Variants in DYNC2H1 observed in about 807,000 individuals in gnomAD.
DYNC2H1 encodes dynein cytoplasmic 2 heavy chain 1.
In DYNC2H1, 410 loss-of-function variants were observed where a neutral mutation model predicts 570.0. That is an observed-to-expected ratio of 0.72 (90% CI 0.66 to 0.78). The LOEUF (loss-of-function observed/expected upper bound fraction) is 0.78, where lower values mean the gene tolerates loss of function less well. Among genes scored for constraint, DYNC2H1 ranks in the 30% least tolerant of loss-of-function variants. The pLI is 0.00. For missense variants in DYNC2H1, 4,865 were observed against 5,046.4 expected, an observed-to-expected ratio of 0.96 and a Z score of 1.09; for synonymous variants, 1,688 against 1,677.6, an observed-to-expected ratio of 1.01 and a Z score of -0.15.
At chr11:103,208,990 T>C (rs1385028697) in intron 52 of DYNC2H1, among the ~76,000 whole-genome samples, 2 of 152,110 alleles carry the variant, frequency 1.3e-5, no homozygotes, top group African/African-American at 4.8e-5. Context: ...AATATAAGTT[T>C]AAAATATTCT....
In DYNC2H1 at chr11:103,382,331, A is replaced by G. The variant is rs186170289; in HGVS notation, c.12157-17332A>G. 1.3e-4 allele frequency among the ~76,000 whole-genome samples: 20 copies of G among 152,330 alleles called. No individual in the cohort carries two copies. The East Asian group carries it at 3.1e-3, about 23-fold the overall frequency. On this transcript the variant is annotated intron_variant, in intron 83 of 88. Transcript: ENST00000375735. Reference sequence around the variant, plus strand: ...CTGAACAAGAGTTGAACCAGTAACTATATTTTTGTCCAGAATGTTCCCTAG... The same window carrying G: ...CTGAACAAGAGTTGAACCAGTAACTGTATTTTTGTCCAGAATGTTCCCTAG...
At chr11:103,210,973 C>T (rs1863133489) in intron 53 of DYNC2H1, among the ~76,000 whole-genome samples, 1 of 151,836 alleles carries the variant, frequency 6.6e-6, no homozygotes, top group African/African-American at 2.4e-5. Context: ...TTTATATATC[C>T]CTTTCTTCAG....
intron 45 of DYNC2H1, among the ~76,000 whole-genome samples, chr11:103,190,980 A>G (rs1254062682): frequency 1.6e-5 from 2 of 125,590 alleles, no homozygotes; most frequent in Non-Finnish European, 3.3e-5. Context: ...TTTTTTGGCC[A>G]TCTGTTGAAG....
chr11:103,248,135 C>G (rs1431362349), intron 65 of DYNC2H1, among the ~76,000 whole-genome samples: 1 of 151,966 alleles, frequency 6.6e-6, no homozygotes, highest in Non-Finnish European at 1.5e-5. Flanking sequence ...AGCAGTTGGT[C>G]TATAATGGGC....
intron 79 of DYNC2H1, 77 bp downstream of exon 79, chr11:103,312,110 G>GCCACCATGCC: frequency 2.7e-6 from 4 of 1,455,878 alleles, no homozygotes; most frequent in Non-Finnish European, 3.7e-6. Context: ...GCCAGGCATG[G>GCCACCATGCC]TGGCTCATGC....
Position 103,264,384 on chromosome 11 carries a change from G to A in DYNC2H1, c.10695+4407G>A, listed in dbSNP as rs879779122. On this transcript the variant is annotated intron_variant, in intron 70 of 88. Coordinates refer to ENST00000375735, the MANE Select transcript of DYNC2H1 (RefSeq NM_001377.3). This position sits in a 1 kb window ranked among gnomAD's most constrained non-coding sequence, Gnocchi z 4.8. ...ACCAGGATCATCATGATACCACAACGTGGCAGAAACACAACAAAAAAAGAA... is the reference window on the plus strand; with the variant it reads ...ACCAGGATCATCATGATACCACAACATGGCAGAAACACAACAAAAAAAGAA... Among the ~76,000 whole-genome samples the A allele has an allele frequency of 2.6e-4, 39 of 152,012 alleles. 1 individual carries two copies. Among genetic ancestry groups the A allele is most frequent in the Non-Finnish European group, 4.4e-4 (30 of 67,982 alleles).
intron 14 of DYNC2H1, 148 bp from the exon 15 acceptor site, chr11:103,134,173 C>G: frequency 1.6e-6 from 1 of 627,700 alleles, no homozygotes; most frequent in Non-Finnish European, 2.7e-6. Context: ...TTGCCCTTCT[C>G]AGTACATTGG....
In DYNC2H1 at chr11:103,255,956, A is replaced by G. The variant is rs1865040777; in HGVS notation, c.10327-150A>G. Reference sequence around the variant, plus strand: ...AAGAAGACTATAATAAAAACAGAATAAAACTTTAAGAGGGCTATAAAATGT... The same window carrying G: ...AAGAAGACTATAATAAAAACAGAATGAAACTTTAAGAGGGCTATAAAATGT... On this transcript the variant is annotated intron_variant, in intron 67 of 88. Coordinates refer to ENST00000375735, the MANE Select transcript of DYNC2H1 (RefSeq NM_001377.3). 4 of 600,874 alleles carry G rather than the reference A, an allele frequency of 6.7e-6. No individual in the cohort carries two copies. The South Asian group carries it at 1.1e-4, about 17-fold the overall frequency. 37.2% of individuals were successfully genotyped at this position (600,874 alleles called of 1,614,324 possible).
intron 76 of DYNC2H1, among the ~76,000 whole-genome samples, 195 bp from the exon 77 acceptor site, chr11:103,304,400 G>A (rs538076004): frequency 1.5e-4 from 23 of 152,098 alleles, no homozygotes; most frequent in African/African-American, 4.8e-4. Context: ...TTGGCAGGAA[G>A]GTTAAACTAT....
chr11:103,134,165 GC>G (rs1427272868), intron 14 of DYNC2H1, among the ~76,000 whole-genome samples, 155 bp from the exon 15 acceptor site: 4 of 152,120 alleles, frequency 2.6e-5, no homozygotes, highest in Non-Finnish European at 1.5e-5. Context: ...GTGATGTTTT[GC>G]CCTTCTCAGT....
In DYNC2H1 at chr11:103,173,996, A is replaced by G. The variant is rs1861686894; in HGVS notation, c.5559-59A>G. On this transcript the variant is annotated intron_variant, in intron 35 of 88. Transcript: ENST00000375735. Reference sequence around the variant, plus strand: ...TATATTCTGTATTTCTTTGGATGTTATGATGAAAGTAATTTCTTCTAGCTA... The same window carrying G: ...TATATTCTGTATTTCTTTGGATGTTGTGATGAAAGTAATTTCTTCTAGCTA... The G allele has an allele frequency of 1.6e-5, 19 of 1,189,048 alleles. 1 individual carries two copies. In the South Asian group the frequency reaches 2.0e-4, roughly 13 times the overall value. 73.7% of individuals were successfully genotyped at this position (1,189,048 alleles called of 1,614,324 possible).
At chr11:103,287,441 A>G (rs1055707624) in intron 74 of DYNC2H1, 92 bp from the exon 75 acceptor site, 4 of 1,016,688 alleles carry the variant, frequency 3.9e-6, no homozygotes, top group Admixed American at 4.9e-5. Context: ...TATTTAGTAA[A>G]CATTTGTTTA....
Position 103,326,539 on chromosome 11 carries a change from C to T in DYNC2H1, c.12039+2549C>T, listed in dbSNP as rs1432941803. Among the ~76,000 whole-genome samples, 1 of 152,196 alleles carries T rather than the reference C, an allele frequency of 6.6e-6. No homozygotes were observed. The highest frequency in any genetic ancestry group is 2.4e-5 in the African/African-American group (1 of 41,464). ...TGGCCGCAGATCTGGGCTCGGTACT[C>T]CTGAGCTGCAGACCGCATTCCGGGG... On this transcript the variant is annotated intron_variant, in intron 82 of 88. Transcript: ENST00000375735. This position sits in a 1 kb window ranked among gnomAD's most constrained non-coding sequence, Gnocchi z 6.1.
rs569830600 is a variant in DYNC2H1 at position 103,114,328 on chromosome 11, C to T, written c.502+90C>T. On this transcript the variant is annotated intron_variant, in intron 3 of 88. Coordinates refer to ENST00000375735, the MANE Select transcript of DYNC2H1 (RefSeq NM_001377.3). ...GAACATATTTCTTCATAGATTTCTT[C>T]AAATACTTTTGGAATTTCTCTGAGC... The T allele has an allele frequency of 2.3e-5, 32 of 1,371,626 alleles. No homozygotes were observed. In the East Asian group the frequency reaches 4.3e-4, roughly 18 times the overall value. 85.0% of individuals were successfully genotyped at this position (1,371,626 alleles called of 1,614,324 possible).
chr11:103,166,658 A>G (rs1337984994), intron 31 of DYNC2H1, among the ~76,000 whole-genome samples: 1 of 152,074 alleles, frequency 6.6e-6, no homozygotes, highest in African/African-American at 2.4e-5. Context: ...CATCTGAGCT[A>G]TATGTTTTCT....
chr11:103,478,331 A>G (rs1307865537), intron 88 of DYNC2H1, among the ~76,000 whole-genome samples: 2 of 152,194 alleles, frequency 1.3e-5, no homozygotes, highest in African/African-American at 4.8e-5. Context: ...CTTTATAGAT[A>G]TATTCCTGCT....
chr11:103,306,437 G>A (rs1867286776), intron 77 of DYNC2H1, among the ~76,000 whole-genome samples: 2 of 152,038 alleles, frequency 1.3e-5, no homozygotes, highest in Non-Finnish European at 2.9e-5. Context: ...TGGGTGGATT[G>A]ATTGGATATA....
intron 47 of DYNC2H1, 96 bp downstream of exon 47, chr11:103,192,360 A>T (rs1274901070): frequency 1.1e-6 from 1 of 875,424 alleles, no homozygotes; most frequent in Non-Finnish European, 1.6e-6. Flanking sequence ...TAAACAAATA[A>T]AAACTTTGAA....
intron 85 of DYNC2H1, among the ~76,000 whole-genome samples, chr11:103,440,182 A>G (rs185136582): frequency 1.3e-5 from 2 of 152,268 alleles, no homozygotes; most frequent in African/African-American, 2.4e-5. Flanking sequence ...GGATATAGAG[A>G]GAGATCTTTA....
Sources: allele counts gnomAD v4.1 joint callset (sites outside exome capture counted in the v4.1 genomes callset), GRCh38; gene constraint gnomAD v4.1.1; non-coding constraint Gnocchi (gnomAD v3.1); transcripts MANE v1.5; gene names NCBI Gene and HGNC (gene_info 2026-07-23, HGNC 2026-07-21).